SAMD12: variants seen among roughly 807,000 people sequenced by gnomAD.
The protein encoded by SAMD12 is sterile alpha motif domain containing 12.
In SAMD12, 9 loss-of-function variants were observed where a neutral mutation model predicts 15.0. The ratio of observed to expected loss-of-function variants is 0.60; its 90% CI spans 0.36 to 1.05. The LOEUF (loss-of-function observed/expected upper bound fraction) is 1.05, where lower values mean the gene tolerates loss of function less well. Among genes scored for constraint, SAMD12 ranks in the 50% least tolerant of loss-of-function variants. The pLI, the probability that SAMD12 is intolerant of heterozygous loss-of-function variation, is 0.01. For synonymous variants in SAMD12, 86 were observed against 90.1 expected, an observed-to-expected ratio of 0.96 and a Z score of 0.25; for missense variants, 230 against 234.2, an observed-to-expected ratio of 0.98 and a Z score of 0.12.
At chr8:118,457,355 T>G (rs890858857) in intron 2 of SAMD12, among the ~76,000 whole-genome samples, 6 of 151,770 alleles carry the variant, frequency 4.0e-5, no homozygotes, top group African/African-American at 1.5e-4. Flanking sequence ...CTTAGCCTCC[T>G]GAACAGCTAG....
chr8:118,275,513 A>G (rs1054937078), intron 4 of SAMD12, among the ~76,000 whole-genome samples: 10 of 152,312 alleles, frequency 6.6e-5, no homozygotes, highest in African/African-American at 2.4e-4. Flanking sequence ...GGAATACTTG[A>G]TAAAACTCAC....
chr8:118,270,460 C>T (rs749170806), intron 4 of SAMD12, among the ~76,000 whole-genome samples: 1 of 152,146 alleles, frequency 6.6e-6, no homozygotes, highest in Admixed American at 6.6e-5. Context: ...TCATTACCAT[C>T]CCGTTTCTTT....
chr8:118,172,423 T>C, the SAMD12 span, among the ~76,000 whole-genome samples: 1 of 152,184 alleles, frequency 6.6e-6, no homozygotes, highest in Non-Finnish European at 1.5e-5. Flanking sequence ...TATTTGATCA[T>C]TGCTTTGGTC....
chr8:118,333,893 ATGTG>A (rs113855115), intron 4 of SAMD12, among the ~76,000 whole-genome samples: 32 of 87,186 alleles, frequency 3.7e-4, no homozygotes, highest in Non-Finnish European at 6.2e-4. Context: ...GGTGGGGGAT[ATGTG>A]TGTGTGTGTG....
intron 3 of SAMD12, among the ~76,000 whole-genome samples, chr8:118,390,960 C>A (rs1047210234): frequency 6.6e-6 from 1 of 151,964 alleles, no homozygotes; most frequent in Non-Finnish European, 1.5e-5. Context: ...TTAATTCCCA[C>A]CTGAAATATA....
At chr8:118,359,888 A>G (rs1818405324) in intron 4 of SAMD12, among the ~76,000 whole-genome samples, 1 of 152,208 alleles carries the variant, frequency 6.6e-6, no homozygotes, top group Non-Finnish European at 1.5e-5. Flanking sequence ...AATTCCGATA[A>G]AAACTGGAGA....
intron 2 of SAMD12, among the ~76,000 whole-genome samples, chr8:118,552,966 A>C (rs984714240): frequency 2.6e-5 from 4 of 151,998 alleles, no homozygotes; most frequent in Non-Finnish European, 5.9e-5. Context: ...TAGGAATCCA[A>C]CTTACAAGGG....
intron 2 of SAMD12, among the ~76,000 whole-genome samples, chr8:118,449,320 C>G (rs932713451): frequency 1.3e-5 from 2 of 151,968 alleles, no homozygotes; most frequent in African/African-American, 4.8e-5. Context: ...CTTGGCCTCC[C>G]AAAGTGCTGG....
At chr8:118,245,889 T>C (rs1211532729) in intron 4 of SAMD12, among the ~76,000 whole-genome samples, 1 of 152,014 alleles carries the variant, frequency 6.6e-6, no homozygotes, top group African/African-American at 2.4e-5. Context: ...TAACCTAGTC[T>C]AAGACAAATG....
At chr8:118,143,853 C>T in the SAMD12 span, among the ~76,000 whole-genome samples, 1 of 152,182 alleles carries the variant, frequency 6.6e-6, no homozygotes, top group Non-Finnish European at 1.5e-5. Flanking sequence ...CCCCCAGATC[C>T]TTGTTTATTT....
intron 4 of SAMD12, among the ~76,000 whole-genome samples, chr8:118,368,034 G>T (rs575195993): frequency 6.6e-6 from 1 of 152,266 alleles, no homozygotes; most frequent in East Asian, 1.9e-4. Context: ...ACTGACATAT[G>T]ATTTTAATAA....
At chr8:118,199,559 G>C (rs1403651460) in intron 4 of SAMD12, among the ~76,000 whole-genome samples, 1 of 152,118 alleles carries the variant, frequency 6.6e-6, no homozygotes, top group African/African-American at 2.4e-5. Flanking sequence ...TAAAGAGTAA[G>C]CCCTAATTAA....
In SAMD12 at chr8:118,424,190, C is replaced by T. The variant is rs114436173; in HGVS notation, c.322+15642G>A. On this transcript the variant is annotated intron_variant, in intron 3 of 3. Transcript: ENST00000314727. ...CTAAACAATAAAAAAACAAAAATTA[C>T]ACACATAAGTATATGTGTATATCTA... is the stretch of plus-strand genomic sequence containing the variant. Among the ~76,000 whole-genome samples, 854 of 152,186 alleles carry T rather than the reference C, an allele frequency of 5.6e-3. 6 individuals are homozygous for T. The highest frequency in any genetic ancestry group is 0.019 in the African/African-American group (778 of 41,530).
At chr8:118,162,254 G>A in the SAMD12 span, among the ~76,000 whole-genome samples, 1 of 146,886 alleles carries the variant, frequency 6.8e-6, no homozygotes, top group Non-Finnish European at 1.5e-5. Context: ...TTATGGCTAT[G>A]TTTGCTATCT....
the SAMD12 span, among the ~76,000 whole-genome samples, chr8:118,139,769 G>A: frequency 6.6e-6 from 1 of 152,124 alleles, no homozygotes; most frequent in Non-Finnish European, 1.5e-5. Context: ...CCCTGTGGCT[G>A]GACCCCGTAT....
rs575509003 is a variant in SAMD12 at position 118,293,319 on chromosome 8, G to A, written c.433+86241C>T. Among the ~76,000 whole-genome samples the A allele has an allele frequency of 2.6e-3, 393 of 152,292 alleles. 2 individuals are homozygous for A. The highest frequency in any genetic ancestry group is 3.6e-3 in the Admixed American group (55 of 15,304). ...AGTGAGTGTAAAGTGTTCAGCTGTGGATTTTTAATACAACCAACTCTGATG... is the reference window on the plus strand; with the variant it reads ...AGTGAGTGTAAAGTGTTCAGCTGTGAATTTTTAATACAACCAACTCTGATG... On this transcript the variant is annotated intron_variant, in intron 4 of 4. Coordinates refer to the SAMD12 transcript ENST00000409003.
chr8:118,337,174 A>C (rs967954057), intron 4 of SAMD12, among the ~76,000 whole-genome samples: 1 of 152,178 alleles, frequency 6.6e-6, no homozygotes, highest in African/African-American at 2.4e-5. Context: ...AAAAAGAAAA[A>C]AAAAGGAAGA....
intron 2 of SAMD12, among the ~76,000 whole-genome samples, chr8:118,550,360 T>G (rs1271003711): frequency 1.3e-5 from 2 of 151,930 alleles, no homozygotes; most frequent in African/African-American, 4.8e-5. Flanking sequence ...CAAAAGAGAG[T>G]GGGGGCCAAT....
intron 2 of SAMD12, among the ~76,000 whole-genome samples, chr8:118,499,794 G>C (rs1359024412): frequency 1.3e-5 from 2 of 152,064 alleles, no homozygotes; most frequent in East Asian, 3.9e-4. Flanking sequence ...CTCTTCCCTT[G>C]AGTAATGAAA....
Sources: gnomAD v4.1 joint callset for allele counts (sites outside exome capture counted in the v4.1 genomes callset) on GRCh38, gnomAD v4.1.1 for gene constraint, MANE v1.5 for transcripts, NCBI Gene and HGNC (gene_info 2026-07-23, HGNC 2026-07-21) for gene names.